The following NOX3 variants were observed in gnomAD, a reference collection of about 807,000 sequenced individuals.
NOX3 encodes the protein NADPH oxidase 3.
Under a neutral mutation model 76.7 loss-of-function variants are expected in NOX3, and 74 were observed. The observed-to-expected ratio is 0.96, with a 90% CI of 0.80 to 1.17. The LOEUF (loss-of-function observed/expected upper bound fraction) is 1.17. Among genes scored for constraint, NOX3 ranks in the 50% most tolerant of loss-of-function variants. The probability of loss-of-function intolerance (pLI) is 0.00; values close to 1 mark genes in which losing one functional copy is unlikely to be tolerated. For missense variants in NOX3, 695 were observed against 703.3 expected (o/e 0.99, Z 0.13); for synonymous variants, 263 against 261.1 (o/e 1.01, Z -0.07).
At chr6:155,454,953 T>C (rs1777194103) in intron 2 of NOX3, 32 bp from the exon 3 acceptor site, 2 of 1,586,956 alleles carry the variant, frequency 1.3e-6, no homozygotes. Context: ...AAAAAGAGAT[T>C]CAGGGAAAAC....
intron 7 of NOX3, among the ~76,000 whole-genome samples, chr6:155,433,369 G>A (rs1169372336): frequency 6.6e-6 from 1 of 152,176 alleles, no homozygotes; most frequent in African/African-American, 2.4e-5. Context: ...AGACAAGAGA[G>A]AATCAAGACA....
intron 12 of NOX3, 150 bp downstream of exon 12, chr6:155,406,980 C>T: frequency 1.2e-6 from 1 of 812,056 alleles, no homozygotes; most frequent in South Asian, 2.0e-5. Flanking sequence ...GCTTGTGGCC[C>T]CTGAAATATA....
rs755549819 is a variant in NOX3 at position 155,411,298 on chromosome 6, G to T, written c.1371C>A (p.Leu457=). The T allele has an allele frequency of 6.2e-7, 1 of 1,614,036 alleles. No homozygotes were observed. The highest frequency in any genetic ancestry group is 2.2e-5 in the East Asian group (1 of 44,860). The change falls in exon 11 of 14, where the codon CTC becomes CTA. Residue 457 remains leucine (L), a synonymous_variant. Transcript: ENST00000159060. ...RAFEWFADLL[L]SLETRMSEQG... Reference sequence around the variant, plus strand: ...GCTCACTCATCCGTGTTTCCAGGGAGAGTAAGAGATCAGCAAACCACTCAA... The same window carrying T: ...GCTCACTCATCCGTGTTTCCAGGGATAGTAAGAGATCAGCAAACCACTCAA...
chr6:155,413,409 G>A (rs574015105), intron 10 of NOX3, among the ~76,000 whole-genome samples: 12 of 152,030 alleles, frequency 7.9e-5, no homozygotes, highest in East Asian at 7.7e-4. Flanking sequence ...CTTTCCCTCC[G>A]AGAGACAGGA....
chr6:155,411,062 T>C (rs1352412899), intron 11 of NOX3, 152 bp downstream of exon 11: 3 of 562,858 alleles, frequency 5.3e-6, no homozygotes, highest in Non-Finnish European at 8.3e-6. Context: ...CTCTTGCTAA[T>C]CTGGTTTTAT....
chr6:155,396,964 T>C lies in NOX3; in HGVS notation c.1581-2A>G, dbSNP rs144842914. ...CAGAAGAACACGCCAATACTGCTGC[T>C]GCAGTAGGGGTAAGAAAAGGAAATA... On this transcript the variant is annotated splice_acceptor_variant, in intron 12 of 13. Transcript: ENST00000159060. LOFTEE classifies it high-confidence loss of function. The C allele has an allele frequency of 1.9e-4, 304 of 1,604,888 alleles. No homozygotes were observed. Among genetic ancestry groups the C allele is most frequent in the Non-Finnish European group, 2.5e-4 (289 of 1,176,368 alleles).
chr6:155,432,632 T>C (rs183801592), intron 7 of NOX3, among the ~76,000 whole-genome samples: 1 of 152,324 alleles, frequency 6.6e-6, no homozygotes, highest in East Asian at 1.9e-4. Context: ...ATGGTCCCTC[T>C]TCTCACCTAC....
intron 11 of NOX3, among the ~76,000 whole-genome samples, chr6:155,408,118 A>C (rs1453230037): frequency 6.6e-6 from 1 of 152,090 alleles, no homozygotes; most frequent in Non-Finnish European, 1.5e-5. Flanking sequence ...AGCTGGGACT[A>C]CAGGTGTGTA....
At chr6:155,432,433 C>T (rs1776846420) in intron 7 of NOX3, among the ~76,000 whole-genome samples, 1 of 151,890 alleles carries the variant, frequency 6.6e-6, no homozygotes. Context: ...GGAAGGATGT[C>T]TCGGTCTTCA....
chr6:155,455,550 T>G (rs1248030390), intron 1 of NOX3, among the ~76,000 whole-genome samples: 1 of 152,170 alleles, frequency 6.6e-6, no homozygotes, highest in Non-Finnish European at 1.5e-5. Context: ...TAAAAATAAT[T>G]AAAAATGAGC....
Position 155,416,966 on chromosome 6 carries a change from G to T in NOX3, c.1309-5606C>A, listed in dbSNP as rs145046818. Among the ~76,000 whole-genome samples the T allele has an allele frequency of 3.9e-3, 598 of 152,008 alleles. 5 individuals carry two copies. The highest frequency in any genetic ancestry group is 0.014 in the African/African-American group (571 of 41,438). ...GGGTTTTGCCATGTTGGTCAGGCTG[G>T]TCTCCAACTCCTGGCCTCAGGTGTT... On this transcript the variant is annotated intron_variant, in intron 10 of 13. Coordinates refer to ENST00000159060, the MANE Select transcript of NOX3 (RefSeq NM_015718.3).
At chr6:155,449,695 A>G (rs1408982400) in intron 4 of NOX3, among the ~76,000 whole-genome samples, 2 of 152,144 alleles carry the variant, frequency 1.3e-5, no homozygotes, top group Admixed American at 6.5e-5. Flanking sequence ...GATTTGACCA[A>G]TTAAAGCCTG....
At chr6:155,411,744 C>T (rs965011835) in intron 10 of NOX3, among the ~76,000 whole-genome samples, 11 of 152,198 alleles carry the variant, frequency 7.2e-5, no homozygotes, top group African/African-American at 2.7e-4. Context: ...TTACTTATGA[C>T]CTAAGCTCTG....
At chr6:155,416,449 AAAG>A (rs1562461540) in intron 10 of NOX3, among the ~76,000 whole-genome samples, 1 of 152,222 alleles carries the variant, frequency 6.6e-6, no homozygotes, top group Non-Finnish European at 1.5e-5. Flanking sequence ...AGAAGAAATA[AAAG>A]AAGAAATATT....
At chr6:155,441,111 T>C (rs1014119559) in intron 5 of NOX3, among the ~76,000 whole-genome samples, 1 of 152,220 alleles carries the variant, frequency 6.6e-6, no homozygotes, top group Non-Finnish European at 1.5e-5. Flanking sequence ...CCTTTTAGAA[T>C]AGCATCACAC....
At chr6:155,427,907 T>G (rs1238071836) in intron 9 of NOX3, among the ~76,000 whole-genome samples, 1 of 152,142 alleles carries the variant, frequency 6.6e-6, no homozygotes, top group African/African-American at 2.4e-5. Context: ...CTCCTCCTCC[T>G]TCTTCTTTTT....
chr6:155,441,449 T>G (rs1776984546), intron 5 of NOX3, among the ~76,000 whole-genome samples: 2 of 152,216 alleles, frequency 1.3e-5, no homozygotes, highest in African/African-American at 4.8e-5. Flanking sequence ...CATTCTTCCT[T>G]GCCTATTAAG....
chr6:155,421,497 G>C (rs1454907291), intron 10 of NOX3, among the ~76,000 whole-genome samples: 2 of 152,182 alleles, frequency 1.3e-5, no homozygotes, highest in Non-Finnish European at 2.9e-5. Flanking sequence ...GGTGTTAGGT[G>C]AGGAAAGGTT....
intron 7 of NOX3, among the ~76,000 whole-genome samples, chr6:155,435,765 T>C (rs773726308): frequency 5.3e-5 from 8 of 152,184 alleles, no homozygotes; most frequent in Non-Finnish European, 1.2e-4. Context: ...GATAGGAATA[T>C]TACTTCTCTT....
Sources: gnomAD v4.1 joint callset for allele counts (sites outside exome capture counted in the v4.1 genomes callset) on GRCh38, gnomAD v4.1.1 for gene constraint, MANE v1.5 for transcripts, NCBI Gene and HGNC (gene_info 2026-07-23, HGNC 2026-07-21) for gene names.